GBP1: variants seen among roughly 807,000 people sequenced by gnomAD.
The protein encoded by GBP1 is guanylate binding protein 1, also known as guanylate-binding protein 1.
GBP1 carries 64 observed loss-of-function variants against 69.5 expected under a neutral mutation model. The ratio of observed to expected loss-of-function variants is 0.92; its 90% confidence interval spans 0.75 to 1.13. GBP1 has a LOEUF of 1.13. GBP1 is among the 50% of genes most tolerant of loss of function. GBP1 has a pLI of 0.00. For missense variants in GBP1, 630 were observed against 704.1 expected (o/e 0.89, Z 1.19); for synonymous variants, 250 against 261.2 (o/e 0.96, Z 0.41).
At chr1:89,060,367 G>A in intron 2 of GBP1, 43 bp from the exon 3 acceptor site, 2 of 1,480,524 alleles carry the variant, frequency 1.4e-6, no homozygotes, top group East Asian at 2.5e-5. Flanking sequence ...TTTAGTAACA[G>A]GCAGTTCTGG....
chr1:89,055,594 C>T (rs1318292675), intron 8 of GBP1: 2 of 343,590 alleles, frequency 5.8e-6, no homozygotes, highest in Non-Finnish European at 1.1e-5. Context: ...AGGGAGAAAA[C>T]TGTGGGGATG....
chr1:89,055,180 C>G lies in GBP1; in HGVS notation c.1404G>C (p.Lys468Asn). The change falls in exon 9 of 11, where the codon AAG becomes AAC. Residue 468 changes from lysine (K) to asparagine (N), a missense_variant. Physicochemically the swap from Lys to Asn is moderately conservative, Grantham distance 94. Transcript: ENST00000370473. ...EEILQTYLKSKESMTDAILQT... is the reference protein window; with the variant it reads ...EEILQTYLKSNESMTDAILQT... Reference sequence around the variant, plus strand: ...GGAGAATTGCATCAGTCATAGACTCCTTGGATTTCAAGTATGTCTGCAGAA... The same window carrying G: ...GGAGAATTGCATCAGTCATAGACTCGTTGGATTTCAAGTATGTCTGCAGAA... 6.2e-7 allele frequency: 1 copy of G among 1,611,914 alleles called. No homozygotes were observed. Among genetic ancestry groups the G allele is most frequent in the Non-Finnish European group, 8.5e-7 (1 of 1,179,490 alleles).
rs745650674 is a variant in GBP1, at chr1:89,063,118, C to T, written c.117G>A (p.Val39=). The change falls in exon 2 of 11, where the codon GTG becomes GTA. Residue 39 remains valine (V), a synonymous_variant. Transcript: ENST00000370473. The part of the protein sequence containing the change: ...KILSAITQPM[V]VVAIVGLYRT... Reference sequence around the variant, plus strand: ...GGTAGAGGCCCACAATTGCCACCACCACCATAGGCTGTGTAATGGCAGAAA... The same window carrying T: ...GGTAGAGGCCCACAATTGCCACCACTACCATAGGCTGTGTAATGGCAGAAA... 1 of 1,614,114 alleles carries T rather than the reference C, an allele frequency of 6.2e-7. No homozygotes were observed. The highest frequency in any genetic ancestry group is 8.5e-7 in the Non-Finnish European group (1 of 1,179,992).
In GBP1 at chr1:89,058,241, A is replaced by G; in HGVS notation, c.632-7T>C. The G allele has an allele frequency of 6.4e-7, 1 of 1,568,302 alleles. No individual in the cohort carries two copies. Among genetic ancestry groups the G allele is most frequent in the Non-Finnish European group, 8.6e-7 (1 of 1,160,858 alleles). On this transcript the variant is annotated splice_region_variant and splice_polypyrimidine_tract_variant and intron_variant, in intron 5 of 10. Coordinates refer to ENST00000370473, the MANE Select transcript of GBP1 (RefSeq NM_002053.3). The stretch of plus-strand genomic sequence containing the variant: ...TCATCTTTTTGACTGGTACCTAGAA[A>G]AACATTTAAAAAATTATAAAATTGC...
At chr1:89,060,392 A>G (rs754503011) in intron 2 of GBP1, 68 bp from the exon 3 acceptor site, 51 of 1,392,006 alleles carry the variant, frequency 3.7e-5, no homozygotes, top group Non-Finnish European at 4.7e-5. Flanking sequence ...TGAAGGAAAA[A>G]GTAGTATATT....
intron 2 of GBP1, among the ~76,000 whole-genome samples, chr1:89,062,173 A>G (rs1680217660): frequency 6.6e-6 from 1 of 152,236 alleles, no homozygotes; most frequent in Admixed American, 6.5e-5. Context: ...TATATTCCCA[A>G]AAGAAGTGAA....
At chr1:89,054,064 A>G (rs1190274338) in intron 10 of GBP1, among the ~76,000 whole-genome samples, 1 of 152,184 alleles carries the variant, frequency 6.6e-6, no homozygotes, top group Non-Finnish European at 1.5e-5. Flanking sequence ...CTTCTAAGTA[A>G]TAAGGATATA....
intron 2 of GBP1, chr1:89,062,706 A>T: frequency 5.0e-6 from 1 of 199,994 alleles, no homozygotes; most frequent in Non-Finnish European, 1.0e-5. Context: ...TCAACCTTAA[A>T]GATCACTGTG....
In GBP1 at chr1:89,055,203, G is replaced by A; in HGVS notation, c.1381C>T (p.Leu461=). The A allele has an allele frequency of 3.1e-6, 5 of 1,613,362 alleles. No homozygotes were observed. The East Asian group carries it at 6.7e-5, about 22-fold the overall frequency. ...TCCTTGGATTTCAAGTATGTCTGCA[G>A]AATCTCTTCAGCCTTAGGACCCAGA... The part of the protein sequence containing the change: ...PRKGIQAEEI[L]QTYLKSKESM... The change falls in exon 9 of 11, where the codon CTG becomes TTG. Residue 461 remains leucine, a synonymous_variant. Coordinates refer to ENST00000370473, the MANE Select transcript of GBP1 (RefSeq NM_002053.3).
At chr1:89,056,312 A>G in intron 7 of GBP1, 84 bp from the exon 8 acceptor site, 1 of 1,603,886 alleles carries the variant, frequency 6.2e-7, no homozygotes, top group Non-Finnish European at 8.5e-7. Context: ...GATTTCTGAA[A>G]ATAGAAGTCA....
In GBP1 at chr1:89,063,217, G is replaced by A. The variant is rs1680247477; in HGVS notation, c.18C>T (p.His6=). 3.7e-6 allele frequency: 6 copies of A among 1,614,042 alleles called. No homozygotes were observed. In the African/African-American group the frequency reaches 6.7e-5, roughly 18 times the overall value. The stretch of plus-strand genomic sequence containing the variant: ...CAATGAGGCACATTGGGCCTGTCAT[G>A]TGGATCTCTGATGCCATGTCCAGGC... The part of the protein sequence containing the change: MASEI[H]MTGPMCLIEN... The change falls in exon 2 of 11, where the codon CAC becomes CAT. Residue 6 remains histidine (H), a synonymous_variant. Coordinates refer to ENST00000370473, the MANE Select transcript of GBP1 (RefSeq NM_002053.3).
chr1:89,053,914 G>A (rs1447435153), intron 10 of GBP1, among the ~76,000 whole-genome samples: 1 of 152,162 alleles, frequency 6.6e-6, no homozygotes, highest in East Asian at 1.9e-4. Context: ...GCTCATAAAG[G>A]TTTCTTAAAT....
intron 6 of GBP1, 110 bp downstream of exon 6, chr1:89,057,882 A>T: frequency 1.7e-6 from 2 of 1,186,404 alleles, no homozygotes; most frequent in Non-Finnish European, 2.4e-6. Flanking sequence ...CTAGAATTTA[A>T]CACAAATATA....
At chr1:89,061,372 G>T (rs1680193351) in intron 2 of GBP1, among the ~76,000 whole-genome samples, 1 of 152,042 alleles carries the variant, frequency 6.6e-6, no homozygotes, top group Non-Finnish European at 1.5e-5. Context: ...TGATATATAT[G>T]GTCAAATGAT....
At chr1:89,058,531 A>G in intron 5 of GBP1, 1 of 517,148 alleles carries the variant, frequency 1.9e-6, no homozygotes, top group South Asian at 2.4e-5. Context: ...TATGTTCTTT[A>G]AATAAATATC....
At position 89,056,132 on chromosome 1, in the gene GBP1, G is replaced by C; in HGVS notation, c.1252C>G (p.Leu418Val). 3 of 1,613,942 alleles carry C rather than the reference G, an allele frequency of 1.9e-6. No homozygotes were observed. The highest frequency in any genetic ancestry group is 2.5e-6 in the Non-Finnish European group (3 of 1,179,868). Reference sequence around the variant, plus strand: ...ATTCCCGCCTTCACTTCTTCTTCTAGAGGACTGAAAATGACCTGAAGTAAA... The same window carrying C: ...ATTCCCGCCTTCACTTCTTCTTCTACAGGACTGAAAATGACCTGAAGTAAA... ...SALLQVIFSPLEEEVKAGIYS... is the reference protein window; with the variant it reads ...SALLQVIFSPVEEEVKAGIYS... Residue 418 changes from leucine (L) to valine (V), a missense_variant, in exon 8 of 11, where the codon CTA (leucine) becomes GTA (valine). By Grantham distance (32) the Leu-to-Val change is conservative. Coordinates refer to ENST00000370473, the MANE Select transcript of GBP1 (RefSeq NM_002053.3).
intron 8 of GBP1, 145 bp from the exon 9 acceptor site, chr1:89,055,360 C>T: frequency 4.4e-6 from 6 of 1,372,110 alleles, no homozygotes; most frequent in Non-Finnish European, 5.9e-6. Context: ...GTCGGAGCGA[C>T]AGACACATGC....
rs757167676 is a variant in GBP1 at position 89,059,441 on chromosome 1, A to T, written c.319-15T>A. ...TGGTTGTCACCCTGGAAGTCAAGACACACTGGAGTCAGGAGCAAGTTTCAT... is the reference window on the plus strand; with the variant it reads ...TGGTTGTCACCCTGGAAGTCAAGACTCACTGGAGTCAGGAGCAAGTTTCAT... On this transcript the variant is annotated splice_polypyrimidine_tract_variant and intron_variant, in intron 3 of 10. Coordinates refer to ENST00000370473, the MANE Select transcript of GBP1 (RefSeq NM_002053.3). 6.2e-7 allele frequency: 1 copy of T among 1,613,896 alleles called. No individual in the cohort carries two copies.
At position 89,059,445 on chromosome 1, in the gene GBP1, T is replaced by A; in HGVS notation, c.319-19A>T. 6.2e-7 allele frequency: 1 copy of A among 1,613,718 alleles called. No individual in the cohort carries two copies. The highest frequency in any genetic ancestry group is 2.2e-5 in the East Asian group (1 of 44,870). ...TGTCACCCTGGAAGTCAAGACACAC[T>A]GGAGTCAGGAGCAAGTTTCATCATC... On this transcript the variant is annotated intron_variant, in intron 3 of 10. Coordinates refer to ENST00000370473, the MANE Select transcript of GBP1 (RefSeq NM_002053.3).
Sources: gnomAD v4.1 joint callset for allele counts (sites outside exome capture counted in the v4.1 genomes callset) on GRCh38, gnomAD v4.1.1 for gene constraint, MANE v1.5 for transcripts, NCBI Gene and HGNC (gene_info 2026-07-23, HGNC 2026-07-21) for gene names.